Variants in GMDS observed in about 807,000 individuals in gnomAD.
The protein encoded by GMDS is GDP-mannose 4,6 dehydratase.
A neutral mutation model predicts 49.9 loss-of-function variants in GMDS; 20 were observed. The ratio of observed to expected loss-of-function variants is 0.40; its 90% CI spans 0.28 to 0.58. The LOEUF is 0.58. Ranked by LOEUF, GMDS falls within the 20% of genes least tolerant of loss-of-function variation. The pLI is 0.42. For missense variants in GMDS, 362 were observed against 481.4 expected, an observed-to-expected ratio of 0.75 and a Z score of 2.32; for synonymous variants, 177 against 178.6, an observed-to-expected ratio of 0.99 and a Z score of 0.07.
chr6:1,737,648 CACAT>C (rs1224383809), intron 8 of GMDS, among the ~76,000 whole-genome samples: 6 of 146,770 alleles, frequency 4.1e-5, no homozygotes, highest in African/African-American at 1.5e-4. Flanking sequence ...CACATACATA[CACAT>C]ACACACACCA....
chr6:1,924,299 G>C (rs924410968), intron 7 of GMDS, among the ~76,000 whole-genome samples: 2 of 152,208 alleles, frequency 1.3e-5, no homozygotes, highest in African/African-American at 4.8e-5. Flanking sequence ...GTTAAATTCT[G>C]ATGAATTTCA....
At chr6:1,693,271 C>T (rs1226529694) in intron 9 of GMDS, among the ~76,000 whole-genome samples, 1 of 152,230 alleles carries the variant, frequency 6.6e-6, no homozygotes, top group East Asian at 1.9e-4. Flanking sequence ...TAGTTTCCTC[C>T]TGTGCTGATC....
chr6:1,944,796 T>A (rs1026373682), intron 6 of GMDS, among the ~76,000 whole-genome samples: 8 of 152,144 alleles, frequency 5.3e-5, no homozygotes, highest in Non-Finnish European at 1.2e-4. Context: ...TGATTCAAAT[T>A]CTTGATCTGA....
chr6:1,761,702 A>G (rs915567843), intron 7 of GMDS, among the ~76,000 whole-genome samples: 1 of 152,208 alleles, frequency 6.6e-6, no homozygotes, highest in Admixed American at 6.5e-5. Context: ...TTAATACATG[A>G]AAGTATTTGC....
intron 9 of GMDS, among the ~76,000 whole-genome samples, chr6:1,671,653 A>G (rs532303121): frequency 6.8e-6 from 1 of 147,470 alleles, no homozygotes. Flanking sequence ...GGTTTTTGCC[A>G]TACTTTTAAT....
intron 4 of GMDS, among the ~76,000 whole-genome samples, chr6:2,101,061 T>A (rs9378322): frequency 2.6e-4 from 40 of 151,796 alleles, no homozygotes; most frequent in East Asian, 1.5e-3. Context: ...ATTTTTTTTT[T>A]AAAAAGTGAG....
chr6:2,016,067 T>TAAAAAA (rs551256530), intron 4 of GMDS, among the ~76,000 whole-genome samples: 1 of 123,034 alleles, frequency 8.1e-6, no homozygotes, highest in Non-Finnish European at 1.7e-5. Context: ...ACCCTGTTTC[T>TAAAAAA]AAAAAAAAAA....
At chr6:2,002,474 G>C (rs1766886157) in intron 4 of GMDS, among the ~76,000 whole-genome samples, 1 of 152,100 alleles carries the variant, frequency 6.6e-6, no homozygotes, top group Admixed American at 6.6e-5. Flanking sequence ...GGATCTTTTA[G>C]GAACTAATGT....
chr6:2,187,574 C>A (rs1293838342), intron 1 of GMDS, among the ~76,000 whole-genome samples: 1 of 152,204 alleles, frequency 6.6e-6, no homozygotes, highest in Non-Finnish European at 1.5e-5. Context: ...ACCATGAGAT[C>A]CTATCCTATG....
At position 1,640,002 on chromosome 6, in the gene GMDS, T is replaced by C. The variant is rs6903343; in HGVS notation, c.988-15462A>G. Among the ~76,000 whole-genome samples the C allele has an allele frequency of 5.8e-3, 888 of 152,316 alleles. 4 individuals are homozygous for C. Among genetic ancestry groups the C allele is most frequent in the African/African-American group, 0.02 (815 of 41,550 alleles). ...TGATGTATAAGCCTGTTGAATGATA[T>C]CGACCAATGCTAAAGATCAGAGATA... is the stretch of plus-strand genomic sequence containing the variant. On this transcript the variant is annotated intron_variant, in intron 9 of 10. Coordinates refer to ENST00000380815, the MANE Select transcript of GMDS (RefSeq NM_001500.4). This position sits in a 1 kb window ranked among gnomAD's most constrained non-coding sequence, Gnocchi z 4.0.
At chr6:2,232,233 A>C (rs1781142425) in intron 1 of GMDS, among the ~76,000 whole-genome samples, 1 of 152,006 alleles carries the variant, frequency 6.6e-6, no homozygotes, top group South Asian at 2.1e-4. Context: ...TAACCTAGCC[A>C]CCATATATCA....
Position 1,652,709 on chromosome 6 carries a change from T to G in GMDS, c.988-28169A>C, listed in dbSNP as rs1287526815. ...TTATATATAATATATTATATATATATATATATATATAGAGAGAGAGAGAGA... is the reference window on the plus strand; with the variant it reads ...TTATATATAATATATTATATATATAGATATATATATAGAGAGAGAGAGAGA... On this transcript the variant is annotated intron_variant, in intron 9 of 10. Coordinates refer to ENST00000380815, the MANE Select transcript of GMDS (RefSeq NM_001500.4). Among the ~76,000 whole-genome samples, 104 of 36,470 alleles carry G rather than the reference T, an allele frequency of 2.9e-3. 35 individuals carry two copies. The highest frequency in any genetic ancestry group is 4.2e-3 in the Non-Finnish European group (79 of 18,680). 23.9% of individuals were successfully genotyped at this position (36,470 alleles called of 152,430 possible). A position where few individuals can be genotyped will look rare whatever the true frequency, so the allele number is the denominator to read the frequency against.
intron 7 of GMDS, among the ~76,000 whole-genome samples, chr6:1,781,825 A>G (rs1769101458): frequency 6.6e-6 from 1 of 151,698 alleles, no homozygotes; most frequent in African/African-American, 2.4e-5. Flanking sequence ...AGGAATAATA[A>G]TATAGAACTG....
chr6:2,027,194 A>G (rs1205665798), intron 4 of GMDS, among the ~76,000 whole-genome samples: 1 of 152,180 alleles, frequency 6.6e-6, no homozygotes, highest in Non-Finnish European at 1.5e-5. Flanking sequence ...AAGTCCTTGG[A>G]GAAAAACGTG....
At chr6:1,853,925 T>A (rs1284193312) in intron 7 of GMDS, among the ~76,000 whole-genome samples, 1 of 152,166 alleles carries the variant, frequency 6.6e-6, no homozygotes, top group Non-Finnish European at 1.5e-5. Context: ...ATCCTTCCCC[T>A]CCATGGTCCT....
chr6:1,960,995 CATT>C, intron 4 of GMDS, 29 bp from the exon 5 acceptor site: 1 of 1,415,482 alleles, frequency 7.1e-7, no homozygotes, highest in Non-Finnish European at 9.7e-7. Flanking sequence ...GACAGGGCTG[CATT>C]AATAGCTTCA....
At chr6:2,216,756 CT>C (rs1270871698) in intron 1 of GMDS, among the ~76,000 whole-genome samples, 2 of 152,196 alleles carry the variant, frequency 1.3e-5, no homozygotes, top group Non-Finnish European at 2.9e-5. Flanking sequence ...CACTAGGATT[CT>C]TCATAGCCCT....
chr6:2,164,805 C>CT (rs1283232544), intron 1 of GMDS, among the ~76,000 whole-genome samples: 1 of 152,210 alleles, frequency 6.6e-6, no homozygotes, highest in Non-Finnish European at 1.5e-5. Flanking sequence ...CACATACAAG[C>CT]CTTCAGGGCA....
At chr6:2,112,083 T>A (rs9503098) in intron 4 of GMDS, among the ~76,000 whole-genome samples, 32 of 152,314 alleles carry the variant, frequency 2.1e-4, no homozygotes, top group African/African-American at 7.2e-4. Flanking sequence ...GATCACAGCA[T>A]AAACAGTGGT....
Sources: gnomAD v4.1 joint callset for allele counts (sites outside exome capture counted in the v4.1 genomes callset) on GRCh38, gnomAD v4.1.1 for gene constraint, Gnocchi (gnomAD v3.1) non-coding constraint, MANE v1.5 for transcripts, NCBI Gene and HGNC (gene_info 2026-07-23, HGNC 2026-07-21) for gene names.